Variants in DNMT3A observed in about 807,000 individuals in gnomAD.
DNMT3A encodes DNA (cytosine-5)-methyltransferase 3A.
A neutral mutation model predicts 117.6 loss-of-function variants in DNMT3A; 267 were observed. The observed-to-expected ratio is 2.27, with a 90% confidence interval of 2.05 to 2.51. DNMT3A has a LOEUF of 2.51. Among genes scored for constraint, DNMT3A ranks in the 30% most tolerant of loss-of-function variants. The probability of loss-of-function intolerance (pLI) is 0.00; values close to 1 mark genes in which losing one functional copy is unlikely to be tolerated. For synonymous variants in DNMT3A, 432 were observed against 474.8 expected, an observed-to-expected ratio of 0.91 and a Z score of 1.17; for missense variants, 1,029 against 1,260.2, an observed-to-expected ratio of 0.82 and a Z score of 2.78.
intron 1 of DNMT3A, among the ~76,000 whole-genome samples, chr2:25,323,157 A>G (rs921703897): frequency 6.6e-6 from 1 of 151,980 alleles, no homozygotes; most frequent in African/African-American, 2.4e-5. Context: ...GAACCTTTTT[A>G]TCGATGCGAT....
In DNMT3A at chr2:25,296,641, A is replaced by C. The variant is rs1186090907; in HGVS notation, c.177+3498T>G. Among the ~76,000 whole-genome samples the C allele has an allele frequency of 6.6e-6, 1 of 152,234 alleles. No individual in the cohort carries two copies. The highest frequency in any genetic ancestry group is 2.4e-5 in the African/African-American group (1 of 41,460). ...CACATGGTCAGTGCTCAGGAAGTGGAAAGTGTTTGTCGTGAAGGGAGCACA... is the reference window on the plus strand; with the variant it reads ...CACATGGTCAGTGCTCAGGAAGTGGCAAGTGTTTGTCGTGAAGGGAGCACA... On this transcript the variant is annotated intron_variant, in intron 3 of 22. Coordinates refer to ENST00000321117, the MANE Select transcript of DNMT3A (RefSeq NM_022552.5). The surrounding 1 kb of genome is among the most constrained non-coding windows in gnomAD (Gnocchi z 4.2).
chr2:25,248,994 A>AT, intron 6 of DNMT3A, among the ~76,000 whole-genome samples: 1 of 152,302 alleles, frequency 6.6e-6, no homozygotes, highest in African/African-American at 2.4e-5. Context: ...ATTATACCGT[A>AT]TATCTCCTAA....
At chr2:25,290,413 C>T (rs1421935223) in intron 3 of DNMT3A, among the ~76,000 whole-genome samples, 2 of 151,370 alleles carry the variant, frequency 1.3e-5, no homozygotes, top group Non-Finnish European at 2.9e-5. Context: ...GTCTGCCTCC[C>T]GGGTTCAAGC....
In DNMT3A at chr2:25,282,373, C is replaced by A; in HGVS notation, c.448+68G>T. 1 of 1,560,664 alleles carries A rather than the reference C, an allele frequency of 6.4e-7. No homozygotes were observed. The highest frequency in any genetic ancestry group is 8.7e-7 in the Non-Finnish European group (1 of 1,151,550). ...ATCCTTCCTGGGACCTGCTGGAGAGCCAAGTCCCTGACTCTCAGGGTATGC... is the reference window on the plus strand; with the variant it reads ...ATCCTTCCTGGGACCTGCTGGAGAGACAAGTCCCTGACTCTCAGGGTATGC... On this transcript the variant is annotated intron_variant, in intron 4 of 22. Transcript: ENST00000321117. This position sits in a 1 kb window ranked among gnomAD's most constrained non-coding sequence, Gnocchi z 5.2.
Position 25,244,655 on chromosome 2 carries a change from A to T in DNMT3A, c.1555-3T>A. 6.2e-7 allele frequency: 1 copy of T among 1,613,910 alleles called. No homozygotes were observed. Among genetic ancestry groups the T allele is most frequent in the Non-Finnish European group, 8.5e-7 (1 of 1,179,826 alleles). On this transcript the variant is annotated splice_region_variant and splice_polypyrimidine_tract_variant and intron_variant, in intron 13 of 22. Transcript: ENST00000321117. ...TACGCACACTCCAGAAAGCAGTTCT[A>T]GACAGCAGCGGGAAGGGTCAGAAAC...
chr2:25,258,717 G>A (rs1418759425), intron 6 of DNMT3A, among the ~76,000 whole-genome samples: 1 of 152,196 alleles, frequency 6.6e-6, no homozygotes, highest in Non-Finnish European at 1.5e-5. Context: ...GAAGGCTCAA[G>A]GGAAGATGAA....
Position 25,286,363 on chromosome 2 carries a change from C to T in DNMT3A, c.178-3652G>A, listed in dbSNP as rs1398007920. ...GATGCCCCCAAAGCCAGGTGGGAGC[C>T]GGGCATGCTGGGCAGATGATGGGCG... On this transcript the variant is annotated intron_variant, in intron 3 of 22. Transcript: ENST00000321117. This position sits in a 1 kb window ranked among gnomAD's most constrained non-coding sequence, Gnocchi z 4.3. Among the ~76,000 whole-genome samples the T allele has an allele frequency of 4.6e-5, 7 of 152,212 alleles. No homozygotes were observed. The highest frequency in any genetic ancestry group is 1.3e-4 in the Admixed American group (2 of 15,280).
chr2:25,328,387 T>A (rs1195968087), intron 1 of DNMT3A, among the ~76,000 whole-genome samples: 1 of 151,450 alleles, frequency 6.6e-6, no homozygotes, highest in Non-Finnish European at 1.5e-5. Context: ...CACCCCTGGC[T>A]CCCACCCTCT....
chr2:25,340,561 G>A (rs1573521659), intron 1 of DNMT3A, among the ~76,000 whole-genome samples: 1 of 152,206 alleles, frequency 6.6e-6, no homozygotes, highest in East Asian at 2.0e-4. Flanking sequence ...ACTGGGGTGA[G>A]GGCGGGACAC....
chr2:25,298,937 AC>A lies in DNMT3A; in HGVS notation c.177+1201del, dbSNP rs567843302. 1.8e-4 allele frequency among the ~76,000 whole-genome samples: 15 copies of A among 82,882 alleles called. No individual in the cohort carries two copies. The highest frequency in any genetic ancestry group is 9.6e-4 in the South Asian group (2 of 2,076). 54.4% of individuals were successfully genotyped at this position (82,882 alleles called of 152,430 possible). ...CACCCCCCACCTCCAGGAACTCACC[AC>A]CCCCCCCGCCTCTACTGTCCCATTT... On this transcript the variant is annotated intron_variant, in intron 3 of 22. Coordinates refer to ENST00000321117, the MANE Select transcript of DNMT3A (RefSeq NM_022552.5). The surrounding 1 kb of genome is among the most constrained non-coding windows in gnomAD (Gnocchi z 4.3).
intron 3 of DNMT3A, among the ~76,000 whole-genome samples, chr2:25,289,034 A>G (rs534017306): frequency 2.0e-5 from 3 of 151,898 alleles, no homozygotes; most frequent in Middle Eastern, 3.2e-3. Context: ...TCTCCTTACA[A>G]TTCATACCTC....
chr2:25,255,865 T>G (rs574884067), intron 6 of DNMT3A, among the ~76,000 whole-genome samples: 77 of 152,248 alleles, frequency 5.1e-4, no homozygotes, highest in Non-Finnish European at 7.1e-4. Flanking sequence ...GACGAGACAC[T>G]AGCCCATCAT....
Position 25,236,291 on chromosome 2 carries a change from C to G in DNMT3A, c.2479-466G>C, listed in dbSNP as rs1673363005. 6.6e-6 allele frequency among the ~76,000 whole-genome samples: 1 copy of G among 152,214 alleles called. No individual in the cohort carries two copies. Among genetic ancestry groups the G allele is most frequent in the African/African-American group, 2.4e-5 (1 of 41,456 alleles). The stretch of plus-strand genomic sequence containing the variant: ...TGTCGGCCAGGCTGGTCTCAAACTC[C>G]TGACCTCAGGTGATCCGCCTGCCTC... On this transcript the variant is annotated intron_variant, in intron 21 of 22. Transcript: ENST00000321117. This position sits in a 1 kb window ranked among gnomAD's most constrained non-coding sequence, Gnocchi z 4.5.
intron 6 of DNMT3A, among the ~76,000 whole-genome samples, chr2:25,256,367 G>C (rs964808217): frequency 6.6e-6 from 1 of 152,098 alleles, no homozygotes; most frequent in Admixed American, 6.6e-5. Context: ...TTCCTGGAAG[G>C]TTCCTCCCCT....
chr2:25,326,557 CA>C (rs2034795906), intron 1 of DNMT3A, among the ~76,000 whole-genome samples: 1 of 152,154 alleles, frequency 6.6e-6, no homozygotes, highest in African/African-American at 2.4e-5. Flanking sequence ...TCAGCTGGCA[CA>C]ACTGTGGAGG....
intron 6 of DNMT3A, among the ~76,000 whole-genome samples, chr2:25,260,337 C>T (rs1308029929): frequency 6.6e-6 from 1 of 152,210 alleles, no homozygotes; most frequent in Non-Finnish European, 1.5e-5. Flanking sequence ...TGTCCCAGAG[C>T]TTCTGCTCCA....
intron 6 of DNMT3A, among the ~76,000 whole-genome samples, chr2:25,259,591 GGGAC>G (rs1392663990): frequency 2.6e-5 from 4 of 152,176 alleles, no homozygotes; most frequent in African/African-American, 9.7e-5. Flanking sequence ...GTTTGCTTTA[GGGAC>G]GTGTCGATGC....
Position 25,247,271 on chromosome 2 carries a change from G to T in DNMT3A, c.1015-113C>A, listed in dbSNP as rs1294308820. 4.8e-6 allele frequency: 5 copies of T among 1,049,938 alleles called. No homozygotes were observed. Among genetic ancestry groups the T allele is most frequent in the Non-Finnish European group, 5.7e-6 (4 of 702,280 alleles). The allele number at this position is 1,049,938 out of a possible 1,614,324, so 65.0% of individuals were successfully genotyped here. On this transcript the variant is annotated intron_variant, in intron 8 of 22. Transcript: ENST00000321117. This position sits in a 1 kb window ranked among gnomAD's most constrained non-coding sequence, Gnocchi z 5.6. ...TCGAGAGTCAGTCTCAGCCCTGGAGGGGACCAGATACAGTGATAAATAATT... is the reference window on the plus strand; with the variant it reads ...TCGAGAGTCAGTCTCAGCCCTGGAGTGGACCAGATACAGTGATAAATAATT...
intron 4 of DNMT3A, among the ~76,000 whole-genome samples, chr2:25,280,002 T>A (rs1439006013): frequency 6.6e-6 from 1 of 152,074 alleles, no homozygotes; most frequent in African/African-American, 2.4e-5. Flanking sequence ...CAAGGCCAAA[T>A]TTTGGAGGTC....
Sources: allele counts gnomAD v4.1 joint callset (sites outside exome capture counted in the v4.1 genomes callset), GRCh38; gene constraint gnomAD v4.1.1; non-coding constraint Gnocchi (gnomAD v3.1); transcripts MANE v1.5; gene names NCBI Gene and HGNC (gene_info 2026-07-23, HGNC 2026-07-21).